LRRTM3: variants seen among roughly 807,000 people sequenced by gnomAD.
LRRTM3 encodes leucine rich repeat transmembrane neuronal 3, also known as leucine-rich repeat transmembrane neuronal protein 3.
Under a neutral mutation model 44.7 loss-of-function variants are expected in LRRTM3, and 24 were observed. The ratio of observed to expected loss-of-function variants is 0.54; its 90% confidence interval spans 0.39 to 0.76. The LOEUF is 0.76. LRRTM3 is among the 30% of genes least tolerant of loss of function. The probability of loss-of-function intolerance (pLI) is 0.00; values close to 1 mark genes in which losing one functional copy is unlikely to be tolerated. For synonymous variants in LRRTM3, 277 were observed against 278.7 expected, an observed-to-expected ratio of 0.99 and a Z score of 0.06; for missense variants, 587 against 702.2, an observed-to-expected ratio of 0.84 and a Z score of 1.85.
At chr10:66,928,512 G>T in intron 2 of LRRTM3, 60 bp downstream of exon 2, 1 of 1,464,102 alleles carries the variant, frequency 6.8e-7, no homozygotes, top group South Asian at 1.4e-5. Context: ...GTGCTTTATT[G>T]AACTCTGGTG....
At chr10:67,056,041 T>A (rs1357337489) in intron 2 of LRRTM3, among the ~76,000 whole-genome samples, 6 of 152,100 alleles carry the variant, frequency 3.9e-5, no homozygotes, top group Non-Finnish European at 8.8e-5. Flanking sequence ...ATTATATTGT[T>A]GAGGTGGAGA....
chr10:66,989,962 A>T (rs573695226), intron 2 of LRRTM3, among the ~76,000 whole-genome samples: 2 of 152,326 alleles, frequency 1.3e-5, no homozygotes, highest in South Asian at 4.1e-4. Flanking sequence ...TAAGATAGCC[A>T]CCTCAATATC....
chr10:66,942,959 G>A (rs1848088816), intron 2 of LRRTM3, among the ~76,000 whole-genome samples: 1 of 152,170 alleles, frequency 6.6e-6, no homozygotes, highest in Non-Finnish European at 1.5e-5. Context: ...CACCTATAAT[G>A]TGCAGGCACA....
At chr10:66,981,727 C>T (rs1850452903) in intron 2 of LRRTM3, among the ~76,000 whole-genome samples, 1 of 152,220 alleles carries the variant, frequency 6.6e-6, no homozygotes. Flanking sequence ...ATTGCAAACT[C>T]ATGCATTATG....
intron 2 of LRRTM3, among the ~76,000 whole-genome samples, chr10:66,977,991 A>G (rs1380929754): frequency 1.3e-5 from 2 of 152,090 alleles, no homozygotes; most frequent in Non-Finnish European, 2.9e-5. Context: ...TGGAATAATC[A>G]AGGTTGTATA....
chr10:66,973,715 C>T (rs2132840653), intron 2 of LRRTM3, among the ~76,000 whole-genome samples: 1 of 152,170 alleles, frequency 6.6e-6, no homozygotes, highest in South Asian at 2.1e-4. Flanking sequence ...CCTCCATCTC[C>T]CAGGTTCAAG....
At chr10:67,010,408 C>G (rs1282727979) in intron 2 of LRRTM3, among the ~76,000 whole-genome samples, 2 of 151,982 alleles carry the variant, frequency 1.3e-5, no homozygotes, top group African/African-American at 4.8e-5. Flanking sequence ...AATAAAAAGT[C>G]AGGAAGTAGT....
At chr10:66,943,652 A>T (rs1405555863) in intron 2 of LRRTM3, among the ~76,000 whole-genome samples, 20 of 152,142 alleles carry the variant, frequency 1.3e-4, no homozygotes, top group Non-Finnish European at 1.5e-5. Context: ...AGAATTAAAC[A>T]TGCTACTTAA....
At chr10:67,019,693 G>A (rs1852875381) in intron 2 of LRRTM3, among the ~76,000 whole-genome samples, 1 of 152,182 alleles carries the variant, frequency 6.6e-6, no homozygotes, top group Non-Finnish European at 1.5e-5. Flanking sequence ...GTCTCCCTAT[G>A]TAATGTCATC....
chr10:67,025,498 C>T (rs1170023704), intron 2 of LRRTM3, among the ~76,000 whole-genome samples: 1 of 152,036 alleles, frequency 6.6e-6, no homozygotes, highest in Non-Finnish European at 1.5e-5. Context: ...TCCAGACTTC[C>T]TATATAATAA....
At chr10:67,009,139 C>T (rs1279637089) in intron 2 of LRRTM3, among the ~76,000 whole-genome samples, 2 of 151,982 alleles carry the variant, frequency 1.3e-5, no homozygotes, top group African/African-American at 2.4e-5. Flanking sequence ...ATTTATTAAC[C>T]TTACCGTGAT....
intron 2 of LRRTM3, among the ~76,000 whole-genome samples, chr10:67,021,829 TAAA>T (rs2133075812): frequency 6.6e-6 from 1 of 152,250 alleles, no homozygotes; most frequent in East Asian, 1.9e-4. Flanking sequence ...GGAAGTACTA[TAAA>T]GGGAAACATG....
intron 2 of LRRTM3, among the ~76,000 whole-genome samples, chr10:67,063,467 G>A (rs1855882349): frequency 6.6e-6 from 1 of 152,132 alleles, no homozygotes; most frequent in Admixed American, 6.5e-5. Context: ...CCAACAGTGA[G>A]GCAGGGTCAA....
intron 2 of LRRTM3, among the ~76,000 whole-genome samples, chr10:66,939,253 CTCCTT>C (rs1292100357): frequency 1.3e-5 from 2 of 152,182 alleles, no homozygotes; most frequent in African/African-American, 4.8e-5. Context: ...TTCTGAGTCT[CTCCTT>C]TCCTCCCTTC....
chr10:67,019,148 T>C (rs1212682096), intron 2 of LRRTM3, among the ~76,000 whole-genome samples: 1 of 152,224 alleles, frequency 6.6e-6, no homozygotes, highest in Non-Finnish European at 1.5e-5. Flanking sequence ...AGGATATCAA[T>C]ACTACCTCAT....
At chr10:66,998,988 A>G (rs17279006) in intron 2 of LRRTM3, among the ~76,000 whole-genome samples, 7,551 of 152,258 alleles carry the variant, frequency 0.05, 269 homozygotes, top group Middle Eastern at 0.082. Flanking sequence ...AGTATCACTC[A>G]GAACTTCTGT....
rs117553888 is a variant in LRRTM3 at position 66,927,900 on chromosome 10, A to G, written c.984A>G (p.Lys328=). 1.0e-4 allele frequency: 163 copies of G among 1,614,240 alleles called. No individual in the cohort carries two copies. The highest frequency in any genetic ancestry group is 1.2e-4 in the Non-Finnish European group (136 of 1,180,042). The change falls in exon 2 of 3, where the codon AAA becomes AAG. Residue 328 remains lysine, a synonymous_variant. Transcript: ENST00000361320. The surrounding 1 kb of genome is among the most constrained non-coding windows in gnomAD (Gnocchi z 4.7). ...TTTGCTCCCTTGTAAACTGGCTGAA[A>G]AGTTTTAAAGGTCTAAGGGAGAATA... ...RNICSLVNWL[K]SFKGLRENTI...
At position 66,971,900 on chromosome 10, in the gene LRRTM3, CT is replaced by C. The variant is rs886687417; in HGVS notation, c.1536+43458del. Among the ~76,000 whole-genome samples, 34 of 148,762 alleles carry C rather than the reference CT, an allele frequency of 2.3e-4. No homozygotes were observed. The East Asian group carries it at 3.1e-3, about 14-fold the overall frequency. The stretch of plus-strand genomic sequence containing the variant: ...TTTTTCAACAAGGTCAGAGCATATT[CT>C]TTTTTTTTTAAACATGCTAATGTAC... On this transcript the variant is annotated intron_variant, in intron 2 of 2. Coordinates refer to ENST00000361320, the MANE Select transcript of LRRTM3 (RefSeq NM_178011.5).
intron 2 of LRRTM3, among the ~76,000 whole-genome samples, chr10:66,947,875 CA>C (rs1249917579): frequency 6.6e-6 from 1 of 152,148 alleles, no homozygotes; most frequent in Non-Finnish European, 1.5e-5. Flanking sequence ...CATCATTAGG[CA>C]ATTTTGTCAT....
Sources: gnomAD v4.1 joint callset for allele counts (sites outside exome capture counted in the v4.1 genomes callset) on GRCh38, gnomAD v4.1.1 for gene constraint, Gnocchi (gnomAD v3.1) non-coding constraint, MANE v1.5 for transcripts, NCBI Gene and HGNC (gene_info 2026-07-23, HGNC 2026-07-21) for gene names.